The following R3HDM2 variants were observed in gnomAD, a reference collection of about 807,000 sequenced individuals.
The protein encoded by R3HDM2 is R3H domain-containing protein 2.
R3HDM2 carries 38 observed loss-of-function variants against 124.5 expected under a neutral mutation model. That is an observed-to-expected ratio of 0.31 (90% CI 0.24 to 0.40). R3HDM2 has a LOEUF of 0.40. R3HDM2 is among the 10% of genes least tolerant of loss of function. The pLI, the probability that R3HDM2 is intolerant of heterozygous loss-of-function variation, is 1.00. For missense variants in R3HDM2, 869 were observed against 1,236.9 expected (o/e 0.70, Z 4.46); for synonymous variants, 391 against 448.0 (o/e 0.87, Z 1.61).
intron 1 of R3HDM2, among the ~76,000 whole-genome samples, chr12:57,427,641 C>T (rs1016257429): frequency 5.3e-5 from 8 of 151,350 alleles, no homozygotes; most frequent in African/African-American, 9.7e-5. Context: ...TGAGCCACTG[C>T]GCCTGGCCCT....
chr12:57,383,904 GACAA>G, intron 2 of R3HDM2, among the ~76,000 whole-genome samples: 1 of 152,106 alleles, frequency 6.6e-6, no homozygotes, highest in Non-Finnish European at 1.5e-5. Flanking sequence ...AAAATTCCCT[GACAA>G]ACAAGTAAAA....
chr12:57,337,580 G>A (rs1233245734), intron 2 of R3HDM2, among the ~76,000 whole-genome samples: 1 of 152,082 alleles, frequency 6.6e-6, no homozygotes, highest in Non-Finnish European at 1.5e-5. Context: ...AGGCCTATCT[G>A]CACGTTAAAT....
rs2057055980 is a variant in R3HDM2, at chr12:57,324,849, ACTGTATTTGG to A, written c.-35-14396_-35-14387del. On this transcript the variant is annotated intron_variant, in intron 2 of 23. Coordinates refer to ENST00000402412, the MANE Select transcript of R3HDM2 (RefSeq NM_001394031.1). ...CTTACCCTCAGTACCTCAGAATGTG[ACTGTATTTGG>A]AGACAGGGCCTTTAAAGAGGCGATT... Among the ~76,000 whole-genome samples, 5 of 152,290 alleles carry A rather than the reference ACTGTATTTGG, an allele frequency of 3.3e-5. No individual in the cohort carries two copies. In the South Asian group the frequency reaches 1.0e-3, roughly 32 times the overall value.
At chr12:57,388,847 A>G (rs2066264366) in intron 2 of R3HDM2, among the ~76,000 whole-genome samples, 1 of 152,188 alleles carries the variant, frequency 6.6e-6, no homozygotes, top group African/African-American at 2.4e-5. Context: ...CTAGCTATAA[A>G]TTAAAGAAAA....
intron 2 of R3HDM2, among the ~76,000 whole-genome samples, chr12:57,354,596 C>A (rs1200152566): frequency 6.6e-6 from 1 of 151,856 alleles, no homozygotes; most frequent in East Asian, 1.9e-4. Context: ...ACCCTGCCTG[C>A]ATTTTTTTAA....
At chr12:57,259,736 G>T (rs1329834441) in intron 19 of R3HDM2, among the ~76,000 whole-genome samples, 1 of 152,192 alleles carries the variant, frequency 6.6e-6, no homozygotes, top group Non-Finnish European at 1.5e-5. Flanking sequence ...TAGTTCCTAT[G>T]TTGGGCACTG....
intron 3 of R3HDM2, among the ~76,000 whole-genome samples, chr12:57,306,512 G>A (rs935105411): frequency 2.2e-4 from 34 of 151,830 alleles, no homozygotes; most frequent in African/African-American, 7.2e-4. Flanking sequence ...GGGTTCAAGC[G>A]ATTCTCCTGC....
At chr12:57,297,110 G>A (rs919697735) in intron 8 of R3HDM2, 5 of 447,926 alleles carry the variant, frequency 1.1e-5, no homozygotes, top group Non-Finnish European at 2.0e-5. Flanking sequence ...GTTTGACAAA[G>A]AAAAAGGAAG....
At chr12:57,346,827 T>G (rs988123920) in intron 2 of R3HDM2, among the ~76,000 whole-genome samples, 5 of 152,374 alleles carry the variant, frequency 3.3e-5, no homozygotes, top group African/African-American at 4.8e-5. Context: ...TGATGGGGTT[T>G]TTAATGTATG....
intron 1 of R3HDM2, among the ~76,000 whole-genome samples, chr12:57,422,897 G>A (rs138304815): frequency 9.2e-5 from 14 of 152,220 alleles, no homozygotes; most frequent in Non-Finnish European, 1.9e-4. Context: ...AGCCCAGGAG[G>A]TGGAGACAGC....
At chr12:57,412,801 C>T (rs1160176633) in intron 1 of R3HDM2, among the ~76,000 whole-genome samples, 2 of 151,598 alleles carry the variant, frequency 1.3e-5, no homozygotes, top group African/African-American at 2.4e-5. Context: ...GTCAGGAGTT[C>T]GAGACCAGCC....
At chr12:57,270,125 T>C in intron 14 of R3HDM2, 131 bp from the exon 15 acceptor site, 2 of 1,101,510 alleles carry the variant, frequency 1.8e-6, no homozygotes, top group Admixed American at 2.1e-5. Flanking sequence ...GTCCTACCTC[T>C]GTGCTGTGCT....
intron 2 of R3HDM2, among the ~76,000 whole-genome samples, chr12:57,336,821 T>G (rs1265465766): frequency 1.5e-4 from 18 of 116,182 alleles, no homozygotes; most frequent in Admixed American, 6.5e-4. Context: ...AAATAAAAGT[T>G]TAAAAAAAAA....
chr12:57,361,329 C>T lies in R3HDM2; in HGVS notation c.-36+34420G>A, dbSNP rs560330070. 1.0e-3 allele frequency among the ~76,000 whole-genome samples: 143 copies of T among 138,600 alleles called. 1 individual carries two copies. The highest frequency in any genetic ancestry group is 8.5e-3 in the Middle Eastern group (2 of 234). The allele number at this position is 138,600 out of a possible 152,430, so 90.9% of individuals were successfully genotyped here. A position where few individuals can be genotyped will look rare whatever the true frequency, so the allele number is the denominator to read the frequency against. On this transcript the variant is annotated intron_variant, in intron 2 of 23. Coordinates refer to ENST00000402412, the MANE Select transcript of R3HDM2 (RefSeq NM_001394031.1). ...GGAGGAGGTTGCAGTGAGTCGAGAT[C>T]GCGCCATTGCACTCCAGCCTGGGCA...
intron 1 of R3HDM2, among the ~76,000 whole-genome samples, chr12:57,430,252 T>G (rs1337226111): frequency 2.6e-5 from 4 of 152,118 alleles, no homozygotes. Flanking sequence ...GGCCCAAGTT[T>G]TAAGCTATAG....
chr12:57,277,415 T>G (rs1258773184), intron 14 of R3HDM2, among the ~76,000 whole-genome samples: 1 of 151,902 alleles, frequency 6.6e-6, no homozygotes, highest in African/African-American at 2.4e-5. Flanking sequence ...TGTGACAGAG[T>G]TAAAGGTAAC....
intron 2 of R3HDM2, among the ~76,000 whole-genome samples, chr12:57,360,735 CT>C (rs2061831431): frequency 6.6e-6 from 1 of 152,068 alleles, no homozygotes; most frequent in South Asian, 2.1e-4. Flanking sequence ...GAAAATGTGG[CT>C]TTTATATGGA....
chr12:57,261,373 C>G lies in R3HDM2; in HGVS notation c.2132-2314G>C, dbSNP rs1312278753. On this transcript the variant is annotated intron_variant, in intron 19 of 23. Coordinates refer to ENST00000402412, the MANE Select transcript of R3HDM2 (RefSeq NM_001394031.1). ...CTAGAAAGCAGCTCATAATCTGAGCCTAATGCCCTGGGCCAGGAAAGGTGG... is the reference window on the plus strand; with the variant it reads ...CTAGAAAGCAGCTCATAATCTGAGCGTAATGCCCTGGGCCAGGAAAGGTGG... Among the ~76,000 whole-genome samples the G allele has an allele frequency of 2.0e-5, 3 of 152,086 alleles. No homozygotes were observed. The East Asian group carries it at 5.8e-4, about 29-fold the overall frequency.
chr12:57,301,434 C>T (rs978996361), intron 4 of R3HDM2, among the ~76,000 whole-genome samples: 2 of 152,194 alleles, frequency 1.3e-5, no homozygotes, highest in Admixed American at 1.3e-4. Flanking sequence ...AAAGAACTTG[C>T]GAGCCTGAAG....
Sources: gnomAD v4.1 joint callset for allele counts (sites outside exome capture counted in the v4.1 genomes callset) on GRCh38, gnomAD v4.1.1 for gene constraint, MANE v1.5 for transcripts, NCBI Gene and HGNC (gene_info 2026-07-23, HGNC 2026-07-21) for gene names.